AGTPBP1: variants seen among roughly 807,000 people sequenced by gnomAD.
AGTPBP1 encodes ATP/GTP binding carboxypeptidase 1.
Under a neutral mutation model 143.9 loss-of-function variants are expected in AGTPBP1, and 70 were observed. The observed-to-expected ratio is 0.49, with a 90% CI of 0.40 to 0.59. The LOEUF (loss-of-function observed/expected upper bound fraction) is 0.59. Ranked by LOEUF, AGTPBP1 falls within the 20% of genes least tolerant of loss-of-function variation. The pLI is 0.00. For missense variants in AGTPBP1, 1,229 were observed against 1,464.5 expected (o/e 0.84, Z 2.62); for synonymous variants, 463 against 500.2 (o/e 0.93, Z 0.99).
intron 9 of AGTPBP1, among the ~76,000 whole-genome samples, chr9:85,658,930 G>A (rs1833693682): frequency 6.6e-6 from 1 of 152,068 alleles, no homozygotes; most frequent in South Asian, 2.1e-4. Context: ...CATTTTAAAT[G>A]AATATACACT....
intron 1 of AGTPBP1, among the ~76,000 whole-genome samples, chr9:85,728,030 TACACACACACACACACACACACAC>T (rs57676033): frequency 7.8e-6 from 1 of 128,432 alleles, no homozygotes; most frequent in South Asian, 2.6e-4. Context: ...TATATTTATA[TACACACACACACACACACACACAC>T]ACACACACAC....
At chr9:85,746,300 A>G (rs556559588), upstream of AGTPBP1, among the ~76,000 whole-genome samples, 35 of 152,112 alleles carry the variant, frequency 2.3e-4, no homozygotes, top group Non-Finnish European at 4.7e-4. Flanking sequence ...CTAACTATCA[A>G]CTTTCCACTA....
In AGTPBP1 at chr9:85,607,900, C is replaced by T. The variant is rs953873201; in HGVS notation, c.2335+11083G>A. Among the ~76,000 whole-genome samples the T allele has an allele frequency of 5.3e-5, 8 of 152,012 alleles. No individual in the cohort carries two copies. In the East Asian group the frequency reaches 1.2e-3, roughly 22 times the overall value. On this transcript the variant is annotated intron_variant, in intron 17 of 25. Transcript: ENST00000357081. ...ATGTTATTTACACCCAATGACTCTA[C>T]GTAGAAAAAAATACATGCTTCTAAC...
intron 17 of AGTPBP1, among the ~76,000 whole-genome samples, 182 bp from the exon 18 acceptor site, chr9:85,596,631 T>C (rs1829318406): frequency 6.6e-6 from 1 of 152,210 alleles, no homozygotes; most frequent in African/African-American, 2.4e-5. Context: ...ATCAATGATA[T>C]GCTTTTATTT....
intron 17 of AGTPBP1, among the ~76,000 whole-genome samples, chr9:85,610,580 A>T (rs1830254437): frequency 6.6e-6 from 1 of 152,060 alleles, no homozygotes; most frequent in Non-Finnish European, 1.5e-5. Context: ...AAAGAACAAG[A>T]CCTCTATTGG....
intron 25 of AGTPBP1, among the ~76,000 whole-genome samples, chr9:85,551,236 C>T (rs1826023634): frequency 6.6e-6 from 1 of 152,070 alleles, no homozygotes; most frequent in Admixed American, 6.5e-5. Context: ...TTATAAGTAC[C>T]CAGTTGCTAT....
intron 17 of AGTPBP1, among the ~76,000 whole-genome samples, chr9:85,614,432 CAAT>C (rs944249597): frequency 2.0e-5 from 3 of 151,792 alleles, no homozygotes; most frequent in African/African-American, 7.3e-5. Context: ...AAATATAAAA[CAAT>C]AAGAAAACTA....
intron 1 of AGTPBP1, among the ~76,000 whole-genome samples, chr9:85,719,620 A>T (rs1837966483): frequency 1.3e-5 from 2 of 152,228 alleles, no homozygotes; most frequent in South Asian, 4.1e-4. Flanking sequence ...GGGCAATTTG[A>T]CTTCCTCTTT....
the AGTPBP1 span, among the ~76,000 whole-genome samples, chr9:85,757,004 T>TGG: frequency 2.9e-4 from 43 of 148,788 alleles, no homozygotes; most frequent in South Asian, 6.4e-4. Context: ...TTCTTTTTTT[T>TGG]GGGGGGGTGA....
intron 11 of AGTPBP1, among the ~76,000 whole-genome samples, chr9:85,654,002 C>A (rs1226621145): frequency 1.3e-5 from 2 of 152,146 alleles, no homozygotes; most frequent in Non-Finnish European, 2.9e-5. Context: ...GTTGTGTCAA[C>A]TTGTTTTAAT....
At chr9:85,581,645 A>C (rs535368835) in intron 23 of AGTPBP1, among the ~76,000 whole-genome samples, 1 of 152,344 alleles carries the variant, frequency 6.6e-6, no homozygotes, top group Admixed American at 6.5e-5. Context: ...TCATTCAGGA[A>C]TGATGATCTA....
chr9:85,760,347 G>A, the AGTPBP1 span, among the ~76,000 whole-genome samples: 1 of 152,272 alleles, frequency 6.6e-6, no homozygotes, highest in East Asian at 1.9e-4. Context: ...TATCCTTGAT[G>A]AACATCGATG....
intron 12 of AGTPBP1, 40 bp from the exon 13 acceptor site, chr9:85,642,983 AT>A: frequency 7.2e-7 from 1 of 1,382,006 alleles, no homozygotes; most frequent in Non-Finnish European, 1.0e-6. Flanking sequence ...GTAAAACAAA[AT>A]TTTTAAAAAT....
At chr9:85,561,124 G>A (rs1014381437) in intron 25 of AGTPBP1, among the ~76,000 whole-genome samples, 1 of 152,102 alleles carries the variant, frequency 6.6e-6, no homozygotes, top group Non-Finnish European at 1.5e-5. Flanking sequence ...AGCACTTTGG[G>A]AGGTGGAGGC....
the AGTPBP1 span, chr9:85,805,366 C>G: frequency 6.6e-6 from 1 of 152,252 alleles, no homozygotes; most frequent in African/African-American, 2.4e-5. Flanking sequence ...CGCCCCTCAC[C>G]GCGGCCTGCA....
chr9:85,605,372 A>C (rs1260730726), intron 17 of AGTPBP1, among the ~76,000 whole-genome samples: 1 of 152,182 alleles, frequency 6.6e-6, no homozygotes, highest in Admixed American at 6.5e-5. Context: ...CTTTGATCCT[A>C]GAATAGTAAG....
chr9:85,694,989 T>TTC (rs1336063438), intron 2 of AGTPBP1, among the ~76,000 whole-genome samples: 1 of 152,140 alleles, frequency 6.6e-6, no homozygotes, highest in African/African-American at 2.4e-5. Flanking sequence ...ATCCATTCAC[T>TTC]TCTCTCCATA....
intron 25 of AGTPBP1, among the ~76,000 whole-genome samples, chr9:85,572,171 C>T (rs1006181060): frequency 6.6e-6 from 1 of 151,550 alleles, no homozygotes; most frequent in Admixed American, 6.6e-5. Context: ...GGACTACAAG[C>T]GCACACCATC....
chr9:85,615,681 GT>G (rs201357630), intron 17 of AGTPBP1, among the ~76,000 whole-genome samples: 2 of 151,530 alleles, frequency 1.3e-5, no homozygotes, highest in Admixed American at 6.6e-5. Flanking sequence ...TTAAACAATG[GT>G]TTTTTTTGGA....
Sources: allele counts gnomAD v4.1 joint callset (sites outside exome capture counted in the v4.1 genomes callset), GRCh38; gene constraint gnomAD v4.1.1; transcripts MANE v1.5; gene names NCBI Gene and HGNC (gene_info 2026-07-23, HGNC 2026-07-21).